Variants in TRIM5 observed in about 807,000 individuals in gnomAD.
TRIM5 encodes the protein tripartite motif-containing protein 5.
Under a neutral mutation model 35.6 loss-of-function variants are expected in TRIM5, and 31 were observed. The observed-to-expected ratio is 0.87, with a 90% CI of 0.65 to 1.18. The LOEUF is 1.18. Among genes scored for constraint, TRIM5 ranks in the 50% most tolerant of loss-of-function variants. The pLI is 0.00. For synonymous variants in TRIM5, 243 were observed against 215.6 expected, an observed-to-expected ratio of 1.13 and a Z score of -1.11; for missense variants, 609 against 591.6, an observed-to-expected ratio of 1.03 and a Z score of -0.31.
downstream of TRIM5, among the ~76,000 whole-genome samples, chr11:5,662,933 C>A (rs547201323): frequency 1.3e-4 from 20 of 152,102 alleles, no homozygotes; most frequent in East Asian, 3.9e-3. Flanking sequence ...CTTCGGGATC[C>A]GCCTGGGCAA....
At chr11:5,670,502 G>A (rs1418614261) in intron 4 of TRIM5, among the ~76,000 whole-genome samples, 1 of 152,008 alleles carries the variant, frequency 6.6e-6, no homozygotes, top group Non-Finnish European at 1.5e-5. Context: ...ACTGCACTGT[G>A]GCTGGAAACA....
chr11:5,642,713 C>G, the TRIM5 span: 1 of 1,512,166 alleles, frequency 6.6e-7, no homozygotes, highest in Non-Finnish European at 8.9e-7. Context: ...TAGCTCACAG[C>G]TTCATGGTAT....
chr11:5,609,416 C>G, the TRIM5 span, among the ~76,000 whole-genome samples: 1 of 152,172 alleles, frequency 6.6e-6, no homozygotes, highest in African/African-American at 2.4e-5. Context: ...TTGATACTTT[C>G]AAAGCCCCAG....
At chr11:5,672,093 C>T (rs1163071726) in intron 4 of TRIM5, among the ~76,000 whole-genome samples, 1 of 152,158 alleles carries the variant, frequency 6.6e-6, no homozygotes, top group Non-Finnish European at 1.5e-5. Context: ...CTAAAAGAAA[C>T]TGTCAACTCC....
At chr11:5,661,481 C>T (rs1230097148), downstream of TRIM5, among the ~76,000 whole-genome samples, 4 of 152,166 alleles carry the variant, frequency 2.6e-5, no homozygotes, top group African/African-American at 9.7e-5. Context: ...TCCTGCAGAA[C>T]AGTCTTCAAG....
At chr11:5,670,450 T>G (rs1336348635) in intron 4 of TRIM5, among the ~76,000 whole-genome samples, 2 of 151,928 alleles carry the variant, frequency 1.3e-5, no homozygotes, top group Non-Finnish European at 1.5e-5. Context: ...ATTACAGGCA[T>G]GAGCCACTGC....
rs749955642 is a variant in TRIM5 at position 5,665,160 on chromosome 11, A to G, written c.1131T>C (p.Ala377=). 1.9e-6 allele frequency: 3 copies of G among 1,614,126 alleles called. No homozygotes were observed. Among genetic ancestry groups the G allele is most frequent in the African/African-American group, 2.7e-5 (2 of 75,036 alleles). The stretch of plus-strand genomic sequence containing the variant: ...TACACATTGCATCAGGTTGGAAGCC[A>G]GCACATACCCCCAGGATCCAAGCAG... ...KKTAWILGVC[A]GFQPDAMCNI... Residue 377 remains alanine, a synonymous_variant, in exon 8 of 8, where the codon GCT becomes GCC. Coordinates refer to ENST00000380034, the MANE Select transcript of TRIM5 (RefSeq NM_033034.3).
the TRIM5 span, chr11:5,611,338 C>G: frequency 1.4e-5 from 22 of 1,610,940 alleles, no homozygotes; most frequent in Middle Eastern, 3.3e-4. Flanking sequence ...CGTCCAAGCT[C>G]TTGAATATTC....
chr11:5,658,309 A>G (rs1024000134), downstream of TRIM5, among the ~76,000 whole-genome samples: 1 of 152,086 alleles, frequency 6.6e-6, no homozygotes, highest in African/African-American at 2.4e-5. Flanking sequence ...GGGTGGCCCA[A>G]CTCCAGGGAA....
the TRIM5 span, chr11:5,588,784 T>A: frequency 8.3e-5 from 1 of 12,022 alleles, no homozygotes; most frequent in Non-Finnish European, 5.9e-4. Context: ...GCCCACAGAT[T>A]TTTTTTTTTT....
the TRIM5 span, among the ~76,000 whole-genome samples, chr11:5,655,189 G>A: frequency 2.9e-4 from 42 of 144,198 alleles, no homozygotes; most frequent in Middle Eastern, 3.5e-3. Context: ...GCGAAACTCC[G>A]TCTAAAAAAA....
the TRIM5 span, chr11:5,595,255 A>T: frequency 7.2e-5 from 11 of 152,312 alleles, no homozygotes; most frequent in South Asian, 2.3e-3. Flanking sequence ...TTAGGGAGGA[A>T]CTTTGACATT....
Position 5,679,915 on chromosome 11 carries a change from T to A in TRIM5, c.263A>T (p.Glu88Val), listed in dbSNP as rs557868733. Residue 88 changes from glutamate to valine, a missense_variant, in exon 2 of 8, where the codon GAG becomes GTG. Transcript: ENST00000380034. The part of the protein sequence containing the change: ...EKLREVKLSP[E>V]GQKVDHCARH... ...TGCACAATGATCAACTTTCTGCCCCTCTGGGCTCAACTTGACCTCCCTGAG... is the reference window on the plus strand; with the variant it reads ...TGCACAATGATCAACTTTCTGCCCCACTGGGCTCAACTTGACCTCCCTGAG... 1.9e-6 allele frequency: 3 copies of A among 1,614,038 alleles called. No individual in the cohort carries two copies. The highest frequency in any genetic ancestry group is 1.7e-5 in the Admixed American group (1 of 60,016).
the TRIM5 span, chr11:5,634,866 G>A: frequency 6.2e-7 from 1 of 1,610,754 alleles, no homozygotes; most frequent in Admixed American, 1.7e-5. Context: ...CTGCAGGTAA[G>A]AAGGTTCGCT....
chr11:5,603,171 G>A, the TRIM5 span: 1 of 1,549,768 alleles, frequency 6.5e-7, no homozygotes, highest in Non-Finnish European at 8.7e-7. Flanking sequence ...CTTTATCCAG[G>A]ACTGGGCAGT....
At chr11:5,683,551 G>A (rs894419163) in intron 1 of TRIM5, among the ~76,000 whole-genome samples, 12 of 151,768 alleles carry the variant, frequency 7.9e-5, no homozygotes, top group Admixed American at 2.0e-4. Flanking sequence ...TACACCAATC[G>A]GCACTCTGTA....
At chr11:5,647,469 C>G in the TRIM5 span, among the ~76,000 whole-genome samples, 1 of 152,024 alleles carries the variant, frequency 6.6e-6, no homozygotes, top group African/African-American at 2.4e-5. Flanking sequence ...TAGGAGTTGT[C>G]TGAATGAAAA....
chr11:5,643,601 C>G, the TRIM5 span: 1 of 1,613,870 alleles, frequency 6.2e-7, no homozygotes, highest in Non-Finnish European at 8.5e-7. Flanking sequence ...CAAGCCATGG[C>G]TCCCTCATTT....
Position 5,664,394 on chromosome 11 carries a change from G to C in TRIM5, c.*415C>G. ...TAACTCACAAATAAGGGCATCGAGG[G>C]TAAACTGACACAGGGCTAAGGACTC... On this transcript the variant is annotated 3_prime_UTR_variant, in exon 8 of 8. Coordinates refer to ENST00000380034, the MANE Select transcript of TRIM5 (RefSeq NM_033034.3). The C allele has an allele frequency of 1.0e-6, 1 of 996,490 alleles. No individual in the cohort carries two copies. Among genetic ancestry groups the C allele is most frequent in the Non-Finnish European group, 1.2e-6 (1 of 836,422 alleles). The allele number at this position is 996,490 out of a possible 1,614,324, so 61.7% of individuals were successfully genotyped here. A position where few individuals can be genotyped will look rare whatever the true frequency, so the allele number is the denominator to read the frequency against.
Sources: allele counts gnomAD v4.1 joint callset (sites outside exome capture counted in the v4.1 genomes callset), GRCh38; gene constraint gnomAD v4.1.1; transcripts MANE v1.5; gene names NCBI Gene and HGNC (gene_info 2026-07-23, HGNC 2026-07-21).